HEATR4: variants seen among roughly 807,000 people sequenced by gnomAD.
The protein encoded by HEATR4 is HEAT repeat-containing protein 4.
HEATR4 carries 95 observed loss-of-function variants against 108.8 expected under a neutral mutation model. That is an observed-to-expected ratio of 0.87 (90% confidence interval 0.74 to 1.04). The LOEUF (loss-of-function observed/expected upper bound fraction) is 1.04, where lower values mean the gene tolerates loss of function less well. Ranked by LOEUF, HEATR4 falls within the 50% of genes least tolerant of loss-of-function variation. HEATR4 has a pLI of 0.00. For synonymous variants in HEATR4, 443 were observed against 459.4 expected (o/e 0.96, Z 0.46); for missense variants, 1,152 against 1,253.8 (o/e 0.92, Z 1.23).
chr14:73,511,474 G>A (rs557769242), intron 7 of HEATR4, among the ~76,000 whole-genome samples: 26 of 151,540 alleles, frequency 1.7e-4, no homozygotes, highest in Admixed American at 1.5e-3. Context: ...AGCAGAGATC[G>A]CGCCACTGCA....
chr14:73,592,788 G>A, the HEATR4 span, among the ~76,000 whole-genome samples: 1 of 152,170 alleles, frequency 6.6e-6, no homozygotes, highest in Admixed American at 6.5e-5. Context: ...GGGAGATGGA[G>A]GTTGCAGTGA....
intron 17 of HEATR4, among the ~76,000 whole-genome samples, chr14:73,490,037 C>T (rs771735852): frequency 2.0e-5 from 3 of 152,190 alleles, no homozygotes; most frequent in Non-Finnish European, 4.4e-5. Flanking sequence ...ATGAGGACAT[C>T]CAAGGAACAC....
At chr14:73,612,768 C>T in the HEATR4 span, 1 of 1,371,714 alleles carries the variant, frequency 7.3e-7, no homozygotes, top group Middle Eastern at 2.6e-4. Context: ...GAGCGCGCGC[C>T]CGCGCTGGGA....
intron 14 of HEATR4, 108 bp downstream of exon 14, chr14:73,498,047 C>T: frequency 9.7e-7 from 1 of 1,026,140 alleles, no homozygotes. Context: ...TGAACCAGTG[C>T]TTTTACTGCC....
the HEATR4 span, among the ~76,000 whole-genome samples, chr14:73,624,975 A>G: frequency 6.6e-6 from 1 of 152,058 alleles, no homozygotes; most frequent in East Asian, 1.9e-4. Context: ...TATCAGCACC[A>G]TTTTCAACAG....
At chr14:73,595,755 C>G in the HEATR4 span, 1 of 1,338,986 alleles carries the variant, frequency 7.5e-7, no homozygotes, top group East Asian at 2.4e-5. Context: ...AAAGCCATGT[C>G]TTTGTCATTA....
At chr14:73,603,607 C>T in the HEATR4 span, among the ~76,000 whole-genome samples, 87 of 152,204 alleles carry the variant, frequency 5.7e-4, no homozygotes, top group African/African-American at 2.0e-3. Context: ...CCCACCTCAG[C>T]CTCCCATATT....
At chr14:73,593,336 C>CTTTTTTTTTTTTTTTTTTTTT in the HEATR4 span, among the ~76,000 whole-genome samples, 10 of 104,848 alleles carry the variant, frequency 9.5e-5, no homozygotes, top group Non-Finnish European at 1.4e-4. Flanking sequence ...TTCTTTCTTT[C>CTTTTTTTTTTTTTTTTTTTTT]TTTTTTTTTT....
chr14:73,613,984 GTTC>G, the HEATR4 span, among the ~76,000 whole-genome samples: 3 of 132,818 alleles, frequency 2.3e-5, no homozygotes, highest in Non-Finnish European at 4.7e-5. Context: ...GAGCCCAGGA[GTTC>G]AAGACCAGCC....
chr14:73,589,861 G>A, the HEATR4 span, among the ~76,000 whole-genome samples: 5 of 152,066 alleles, frequency 3.3e-5, no homozygotes, highest in Non-Finnish European at 7.4e-5. Context: ...TCGTGGTCTT[G>A]CTGGCTCAGA....
the HEATR4 span, among the ~76,000 whole-genome samples, chr14:73,593,341 T>C: frequency 7.0e-3 from 980 of 139,480 alleles, 17 homozygotes; most frequent in African/African-American, 0.025. Context: ...TCTTTCTTTT[T>C]TTTTTTTTTT....
chr14:73,496,722 T>C (rs1250593202), intron 14 of HEATR4, 43 bp from the exon 15 acceptor site: 3 of 1,070,196 alleles, frequency 2.8e-6, no homozygotes, highest in Admixed American at 1.8e-5. Context: ...TACCCTGCCC[T>C]TTAAAAAAGT....
At chr14:73,581,442 GATGTGTGTGTGTGTGTCTGTGT>G in the HEATR4 span, 7 of 151,696 alleles carry the variant, frequency 4.6e-5, no homozygotes, top group Admixed American at 1.3e-4. Flanking sequence ...AATGCCTCGT[GATGTGTGTGTGTGTGTCTGTGT>G]ATGTGTGTGT....
chr14:73,567,564 G>A, the HEATR4 span: 1 of 152,076 alleles, frequency 6.6e-6, no homozygotes, highest in Non-Finnish European at 1.5e-5. Context: ...CAATCAGCAG[G>A]ACATGAGCAG....
intron 7 of HEATR4, among the ~76,000 whole-genome samples, chr14:73,511,747 G>T (rs2140280925): frequency 6.6e-6 from 1 of 152,158 alleles, no homozygotes; most frequent in South Asian, 2.1e-4. Context: ...GATCTTCAAG[G>T]TGGGAAATGT....
the HEATR4 span, chr14:73,612,674 C>A: frequency 7.1e-7 from 1 of 1,411,242 alleles, no homozygotes; most frequent in Non-Finnish European, 9.2e-7. Context: ...AGTCACGCTG[C>A]GCACGTCCCT....
the HEATR4 span, chr14:73,616,625 G>T: frequency 6.5e-6 from 1 of 154,692 alleles, no homozygotes; most frequent in Non-Finnish European, 1.4e-5. Flanking sequence ...AACCCAGGGG[G>T]CAGAGGTTGC....
intron 13 of HEATR4, among the ~76,000 whole-genome samples, chr14:73,498,645 T>C (rs762416445): frequency 6.6e-6 from 1 of 152,208 alleles, no homozygotes; most frequent in African/African-American, 2.4e-5. Flanking sequence ...TATTTATCTA[T>C]GTCAAAAAGA....
At chr14:73,586,351 G>A in the HEATR4 span, among the ~76,000 whole-genome samples, 3 of 151,514 alleles carry the variant, frequency 2.0e-5, no homozygotes, top group Non-Finnish European at 4.4e-5. Context: ...CCGAGATCAC[G>A]CCATTGCATT....
Sources: gnomAD v4.1 joint callset for allele counts (sites outside exome capture counted in the v4.1 genomes callset) on GRCh38, gnomAD v4.1.1 for gene constraint, MANE v1.5 for transcripts, NCBI Gene and HGNC (gene_info 2026-07-23, HGNC 2026-07-21) for gene names.